The following PKIG variants were observed in gnomAD, a reference collection of about 807,000 sequenced individuals.
PKIG encodes the protein cAMP-dependent protein kinase inhibitor gamma, also known as protein kinase (cAMP-dependent, catalytic) inhibitor gamma.
In PKIG, 1 loss-of-function variant was observed where a neutral mutation model predicts 6.8. The observed-to-expected ratio is 0.15, with a 90% confidence interval of 0.05 to 0.69. PKIG has a LOEUF of 0.69. PKIG is among the 30% of genes least tolerant of loss of function. The pLI, the probability that PKIG is intolerant of heterozygous loss-of-function variation, is 0.82. For missense variants in PKIG, 77 were observed against 104.0 expected (o/e 0.74, Z 1.13); for synonymous variants, 39 against 43.0 (o/e 0.91, Z 0.36).
At chr20:44,545,730 A>G (rs2064607664) in intron 1 of PKIG, among the ~76,000 whole-genome samples, 1 of 152,126 alleles carries the variant, frequency 6.6e-6, no homozygotes, top group South Asian at 2.1e-4. Flanking sequence ...TGGGAGGATC[A>G]CTTAAGCCCA....
At chr20:44,607,927 A>G (rs2065181447) in intron 2 of PKIG, among the ~76,000 whole-genome samples, 1 of 151,882 alleles carries the variant, frequency 6.6e-6, no homozygotes, top group Admixed American at 6.6e-5. Context: ...CTCGTGATCC[A>G]CACCCACCCC....
chr20:44,565,348 A>G (rs1187755356), intron 1 of PKIG, among the ~76,000 whole-genome samples: 1 of 152,260 alleles, frequency 6.6e-6, no homozygotes, highest in Non-Finnish European at 1.5e-5. Context: ...TATTGGGGGC[A>G]TGTATTGGTC....
chr20:44,604,395 C>A (rs916884385), intron 2 of PKIG, among the ~76,000 whole-genome samples: 1 of 152,082 alleles, frequency 6.6e-6, no homozygotes, highest in Non-Finnish European at 1.5e-5. Context: ...GTCTGCAGCT[C>A]AGCAATGAGG....
intron 1 of PKIG, among the ~76,000 whole-genome samples, chr20:44,540,042 C>T (rs1025640069): frequency 1.3e-5 from 2 of 151,990 alleles, no homozygotes; most frequent in Admixed American, 6.6e-5. Flanking sequence ...CTCACTGCAA[C>T]GTCCACCTCC....
chr20:44,556,431 C>T (rs780237741), intron 1 of PKIG, among the ~76,000 whole-genome samples: 2 of 152,126 alleles, frequency 1.3e-5, no homozygotes, highest in African/African-American at 2.4e-5. Context: ...GGCGCGATCT[C>T]GGCTCACTGC....
intron 1 of PKIG, among the ~76,000 whole-genome samples, chr20:44,583,480 C>G (rs2064964763): frequency 6.7e-6 from 1 of 149,264 alleles, no homozygotes; most frequent in Non-Finnish European, 1.5e-5. Context: ...TACCCAGGTC[C>G]CTTACTTGGT....
At chr20:44,583,203 A>G (rs911110938) in intron 1 of PKIG, among the ~76,000 whole-genome samples, 1 of 152,186 alleles carries the variant, frequency 6.6e-6, no homozygotes, top group Admixed American at 6.5e-5. Context: ...AATTTCAGTT[A>G]CAGATATGGT....
intron 2 of PKIG, among the ~76,000 whole-genome samples, chr20:44,599,350 A>G (rs1229451026): frequency 6.6e-6 from 1 of 152,212 alleles, no homozygotes; most frequent in African/African-American, 2.4e-5. Flanking sequence ...CTATGGGATA[A>G]TGATACTTTC....
chr20:44,569,530 G>A (rs554298299), intron 1 of PKIG, among the ~76,000 whole-genome samples: 1 of 152,194 alleles, frequency 6.6e-6, no homozygotes, highest in East Asian at 1.9e-4. Context: ...TGTAATTGTG[G>A]TGGTTACTTC....
At chr20:44,609,513 G>A (rs2065194715) in intron 2 of PKIG, among the ~76,000 whole-genome samples, 2 of 152,328 alleles carry the variant, frequency 1.3e-5, no homozygotes, top group African/African-American at 4.8e-5. Context: ...CAGGGGAGAA[G>A]AGGGATAGAC....
chr20:44,547,683 C>T (rs1009344977), intron 1 of PKIG, among the ~76,000 whole-genome samples: 11 of 152,254 alleles, frequency 7.2e-5, no homozygotes, highest in South Asian at 2.1e-4. Flanking sequence ...CTTTGGACAC[C>T]GACCTTTCTG....
intron 2 of PKIG, among the ~76,000 whole-genome samples, chr20:44,598,113 C>T (rs1007950940): frequency 1.3e-5 from 2 of 152,140 alleles, no homozygotes; most frequent in African/African-American, 2.4e-5. Flanking sequence ...GAAGGCTGGC[C>T]GGCTGCTGCT....
chr20:44,596,571 A>G lies in PKIG; in HGVS notation c.-24+6705A>G, dbSNP rs184550168. Among the ~76,000 whole-genome samples the G allele has an allele frequency of 6.2e-4, 94 of 152,350 alleles. 1 individual carries two copies. The highest frequency in any genetic ancestry group is 6.0e-4 in the Non-Finnish European group (41 of 68,026). On this transcript the variant is annotated intron_variant, in intron 2 of 3. Transcript: ENST00000372886. ...TGGCTTGCAAACATGTTGCTCTTCC[A>G]GGTTCCAAGGGAGGCTGTTGTTCAA... is the stretch of plus-strand genomic sequence containing the variant.
chr20:44,594,961 T>C (rs1600883929), intron 2 of PKIG, among the ~76,000 whole-genome samples: 1 of 152,346 alleles, frequency 6.6e-6, no homozygotes, highest in South Asian at 2.1e-4. Context: ...TCTTGTGACC[T>C]GTTCTGACTC....
intron 1 of PKIG, among the ~76,000 whole-genome samples, chr20:44,553,154 G>T (rs545586375): frequency 3.3e-5 from 5 of 152,230 alleles, no homozygotes; most frequent in South Asian, 4.2e-4. Context: ...GCAAGAGAGA[G>T]AATTTTTAGG....
rs572833538 is a variant in PKIG at position 44,562,924 on chromosome 20, T to G, written c.-240-19661T>G. On this transcript the variant is annotated intron_variant, in intron 1 of 4. Coordinates refer to the PKIG transcript ENST00000372887. Reference sequence around the variant, plus strand: ...AAATACAAAAATTAGCTGGGCGTGGTGGCCTGTGCCAGCTGCTTGGGAGAC... The same window carrying G: ...AAATACAAAAATTAGCTGGGCGTGGGGGCCTGTGCCAGCTGCTTGGGAGAC... 1.3e-4 allele frequency among the ~76,000 whole-genome samples: 20 copies of G among 152,142 alleles called. 1 individual carries two copies. Among genetic ancestry groups the G allele is most frequent in the Admixed American group, 7.2e-4 (11 of 15,284 alleles).
intron 3 of PKIG, among the ~76,000 whole-genome samples, chr20:44,615,148 TC>T (rs1231042234): frequency 6.7e-6 from 1 of 150,326 alleles, no homozygotes; most frequent in African/African-American, 2.4e-5. Flanking sequence ...AAAAAAAAAA[TC>T]CCCCAGTGGC....
At chr20:44,592,683 C>T (rs1348729204) in intron 2 of PKIG, among the ~76,000 whole-genome samples, 2 of 152,224 alleles carry the variant, frequency 1.3e-5, no homozygotes, top group African/African-American at 4.8e-5. Flanking sequence ...TGAAGTCACT[C>T]CCTGTCTCCT....
intron 1 of PKIG, among the ~76,000 whole-genome samples, chr20:44,584,109 C>G (rs1224551937): frequency 6.6e-6 from 1 of 152,156 alleles, no homozygotes; most frequent in Non-Finnish European, 1.5e-5. Context: ...TTACAGAGCA[C>G]TAGATGGTCA....
Sources: gnomAD v4.1 joint callset for allele counts (sites outside exome capture counted in the v4.1 genomes callset) on GRCh38, gnomAD v4.1.1 for gene constraint, MANE v1.5 for transcripts, NCBI Gene and HGNC (gene_info 2026-07-23, HGNC 2026-07-21) for gene names.